The following PDCD11 variants were observed in gnomAD, a reference collection of about 807,000 sequenced individuals.
PDCD11 encodes programmed cell death 11.
Under a neutral mutation model 198.9 loss-of-function variants are expected in PDCD11, and 97 were observed. The observed-to-expected ratio is 0.49, with a 90% confidence interval of 0.41 to 0.58. The LOEUF is 0.58. Ranked by LOEUF, PDCD11 falls within the 20% of genes least tolerant of loss-of-function variation. The pLI, the probability that PDCD11 is intolerant of heterozygous loss-of-function variation, is 0.00. For missense variants in PDCD11, 2,102 were observed against 2,312.7 expected (o/e 0.91, Z 1.87); for synonymous variants, 893 against 918.0 (o/e 0.97, Z 0.49).
At chr10:103,440,168 C>A in intron 28 of PDCD11, 122 bp from the exon 29 acceptor site, 1 of 1,422,262 alleles carries the variant, frequency 7.0e-7, no homozygotes, top group Non-Finnish European at 9.5e-7. Flanking sequence ...TGAAAGGACT[C>A]CCAAGGCAGA....
intron 14 of PDCD11, 47 bp downstream of exon 14, chr10:103,417,979 G>A: frequency 6.2e-7 from 1 of 1,603,620 alleles, no homozygotes; most frequent in Non-Finnish European, 8.5e-7. Context: ...CAGTGGCAGA[G>A]AGCAGGGAAC....
At chr10:103,444,751 G>C (rs2032528901) in intron 35 of PDCD11, 69 bp downstream of exon 35, 1 of 1,422,716 alleles carries the variant, frequency 7.0e-7, no homozygotes, top group African/African-American at 1.4e-5. Flanking sequence ...TCCCACAGCA[G>C]CTCTCAGCAT....
intron 13 of PDCD11, among the ~76,000 whole-genome samples, chr10:103,417,372 A>G (rs1328401055): frequency 6.6e-6 from 1 of 152,116 alleles, no homozygotes; most frequent in Non-Finnish European, 1.5e-5. Flanking sequence ...GGATTTTGCC[A>G]TGTTGGCCAG....
At chr10:103,411,010 G>A (rs2030769170) in intron 8 of PDCD11, among the ~76,000 whole-genome samples, 1 of 151,774 alleles carries the variant, frequency 6.6e-6, no homozygotes, top group Admixed American at 6.6e-5. Context: ...AGGAGGCAGA[G>A]GTTGCAGTGA....
At chr10:103,431,515 C>G (rs1412588996) in intron 21 of PDCD11, among the ~76,000 whole-genome samples, 1 of 151,792 alleles carries the variant, frequency 6.6e-6, no homozygotes, top group African/African-American at 2.4e-5. Context: ...TCACTTGAAC[C>G]TGGGGGGTGG....
chr10:103,420,550 AC>A (rs2031364669), intron 16 of PDCD11, among the ~76,000 whole-genome samples: 1 of 152,150 alleles, frequency 6.6e-6, no homozygotes, highest in Non-Finnish European at 1.5e-5. Flanking sequence ...GATGGGACTC[AC>A]CAAAGTCATG....
Position 103,425,467 on chromosome 10 carries a change from A to C in PDCD11, c.3247A>C (p.Lys1083Gln), listed in dbSNP as rs1239778215. ...GGGCACCTCTCCTACTACCAAGCTG[A>C]AGGTTGGGAAGACGGTCACTGCCCG... The part of the protein sequence containing the change: ...PEGTSPTTKL[K>Q]VGKTVTARVI... The change falls in exon 20 of 36, where the codon AAG becomes CAG. Residue 1083 changes from lysine to glutamine, a missense_variant. Transcript: ENST00000369797. The C allele has an allele frequency of 6.2e-7, 1 of 1,613,738 alleles. No homozygotes were observed. The highest frequency in any genetic ancestry group is 1.1e-5 in the South Asian group (1 of 91,060).
intron 4 of PDCD11, among the ~76,000 whole-genome samples, chr10:103,404,807 C>T (rs1423572153): frequency 6.6e-6 from 1 of 152,092 alleles, no homozygotes; most frequent in East Asian, 1.9e-4. Context: ...TTTTACATGC[C>T]AGTTATGTGG....
Position 103,445,438 on chromosome 10 carries a change from C to G in PDCD11, c.5505C>G (p.Phe1835Leu). Reference sequence around the variant, plus strand: ...CCCCCAAGAGAATGAAGTTCTTCTTCAAGCGCTACCTGGACTACGAGAAGC... The same window carrying G: ...CCCCCAAGAGAATGAAGTTCTTCTTGAAGCGCTACCTGGACTACGAGAAGC... ...SLAPKRMKFF[F>L]KRYLDYEKQH... is the part of the protein sequence containing the mutation. Residue 1835 changes from phenylalanine to leucine, a missense_variant, in exon 36 of 36, where the codon TTC becomes TTG. By Grantham distance (22) the Phe-to-Leu change is conservative. Transcript: ENST00000369797. 6.2e-7 allele frequency: 1 copy of G among 1,614,180 alleles called. No individual in the cohort carries two copies. Among genetic ancestry groups the G allele is most frequent in the Non-Finnish European group, 8.5e-7 (1 of 1,180,010 alleles).
Position 103,406,036 on chromosome 10 carries a change from A to C in PDCD11, c.616A>C (p.Ile206Leu). The change falls in exon 6 of 36, where the codon ATT becomes CTT. Residue 206 changes from isoleucine to leucine, a missense_variant. Coordinates refer to ENST00000369797, the MANE Select transcript of PDCD11 (RefSeq NM_014976.2). ...GGAAGACCATGGCTACCTAGTGGACATTGGTGTTGATGGGACCAGAGCTTT... is the reference window on the plus strand; with the variant it reads ...GGAAGACCATGGCTACCTAGTGGACCTTGGTGTTGATGGGACCAGAGCTTT... ...SLEDHGYLVD[I>L]GVDGTRAFLP... 1 of 1,614,114 alleles carries C rather than the reference A, an allele frequency of 6.2e-7. No homozygotes were observed. Among genetic ancestry groups the C allele is most frequent in the South Asian group, 1.1e-5 (1 of 91,076 alleles).
intron 1 of PDCD11, among the ~76,000 whole-genome samples, chr10:103,397,774 C>A (rs1349744603): frequency 6.6e-6 from 1 of 152,186 alleles, no homozygotes; most frequent in Non-Finnish European, 1.5e-5. Flanking sequence ...TTTAATCTCC[C>A]AGTGGTCTAG....
chr10:103,414,789 C>T (rs148477350), intron 11 of PDCD11, among the ~76,000 whole-genome samples: 14 of 152,352 alleles, frequency 9.2e-5, no homozygotes, highest in Non-Finnish European at 2.1e-4. Flanking sequence ...AAAGCACATG[C>T]TCACACAGAA....
chr10:103,407,128 T>C (rs112630502), intron 7 of PDCD11, among the ~76,000 whole-genome samples: 3 of 152,218 alleles, frequency 2.0e-5, no homozygotes, highest in African/African-American at 7.2e-5. Context: ...GAAGAACTTA[T>C]CCGTCATAAC....
At chr10:103,409,322 T>TA (rs925534775) in intron 7 of PDCD11, among the ~76,000 whole-genome samples, 27 of 137,680 alleles carry the variant, frequency 2.0e-4, no homozygotes, top group African/African-American at 6.1e-4. Context: ...CTTTTTTTTT[T>TA]AACCTTTTTT....
intron 30 of PDCD11, 101 bp downstream of exon 30, chr10:103,440,951 G>A (rs1043087891): frequency 3.7e-6 from 3 of 817,702 alleles, no homozygotes; most frequent in South Asian, 1.8e-5. Context: ...TATAAAATAC[G>A]AAAGCAGGGG....
chr10:103,398,506 T>C lies in PDCD11; in HGVS notation c.80T>C (p.Val27Ala). 1 of 1,612,432 alleles carries C rather than the reference T, an allele frequency of 6.2e-7. No homozygotes were observed. The highest frequency in any genetic ancestry group is 8.5e-7 in the Non-Finnish European group (1 of 1,178,434). Residue 27 changes from valine (V) to alanine (A), a missense_variant, in exon 2 of 36, where the codon GTT becomes GCT. Physicochemically the swap from Val to Ala is moderately conservative, Grantham distance 64. Transcript: ENST00000369797. ...HKPEKAFQQS[V>A]EQDNLFDIST... Reference sequence around the variant, plus strand: ...CCAGAGAAAGCTTTCCAGCAGTCAGTTGAACAAGACAACTTATTTGATGTA... The same window carrying C: ...CCAGAGAAAGCTTTCCAGCAGTCAGCTGAACAAGACAACTTATTTGATGTA...
At chr10:103,403,421 AAGTCTGGG>A (rs1000101911) in intron 4 of PDCD11, 136 bp downstream of exon 4, 1 of 753,124 alleles carries the variant, frequency 1.3e-6, no homozygotes, top group Non-Finnish European at 2.1e-6. Context: ...ATTTTTGACT[AAGTCTGGG>A]AGCCTGGAAG....
intron 1 of PDCD11, 86 bp from the exon 2 acceptor site, chr10:103,398,330 C>T (rs761255688): frequency 4.5e-5 from 36 of 798,268 alleles, no homozygotes; most frequent in Non-Finnish European, 6.8e-5. Flanking sequence ...ATTGCTGGAA[C>T]GTTCTGTCTC....
chr10:103,419,897 T>G (rs566078375), intron 16 of PDCD11, among the ~76,000 whole-genome samples, 189 bp downstream of exon 16: 11 of 151,550 alleles, frequency 7.3e-5, no homozygotes, highest in Non-Finnish European at 1.3e-4. Context: ...TCAAGCGATT[T>G]TCCTGCTTCT....
Sources: gnomAD v4.1 joint callset for allele counts (sites outside exome capture counted in the v4.1 genomes callset) on GRCh38, gnomAD v4.1.1 for gene constraint, MANE v1.5 for transcripts, NCBI Gene and HGNC (gene_info 2026-07-23, HGNC 2026-07-21) for gene names.